Variants in ZNF534 observed in about 807,000 individuals in gnomAD.
The protein encoded by ZNF534 is KRAB domain only 3.
ZNF534 carries 19 observed loss-of-function variants against 13.6 expected under a neutral mutation model. That is an observed-to-expected ratio of 1.40 (90% CI 0.97 to 2.05). ZNF534 has a LOEUF of 2.05. Ranked by LOEUF, ZNF534 falls within the 30% of genes most tolerant of loss-of-function variation. The pLI is 0.00. For synonymous variants in ZNF534, 244 were observed against 273.8 expected, an observed-to-expected ratio of 0.89 and a Z score of 1.07; for missense variants, 782 against 796.3, an observed-to-expected ratio of 0.98 and a Z score of 0.22.
exon 5 of ZNF534, chr19:52,451,676 G>T: frequency 1.5e-6 from 1 of 665,896 alleles, no homozygotes; most frequent in South Asian, 1.8e-5. Flanking sequence ...GCTTCCTTCT[G>T]GATGTTATGG....
Position 52,431,481 on chromosome 19 carries a change from C to G in ZNF534, c.7C>G (p.Leu3Val), listed in dbSNP as rs1430749567. Residue 3 changes from leucine to valine, a missense_variant, in exon 2 of 5, where the codon CTT (leucine) becomes GTT (valine). This residue lies in a region of ZNF534 where 81 missense variants were observed against 63.5 expected (regional missense o/e 1.28). Coordinates refer to ENST00000433050, the MANE Select transcript of ZNF534 (RefSeq NM_001143938.3). ...GAAAGAAAGGAAGTCAGGAATGGCCCTTACTCAGGTAAGGTAATGTTCTCA... is the reference window on the plus strand; with the variant it reads ...GAAAGAAAGGAAGTCAGGAATGGCCGTTACTCAGGTAAGGTAATGTTCTCA... Reference protein sequence around the residue: MALTQGQLSFSDV... With the variant: MAVTQGQLSFSDV... 6.2e-7 allele frequency: 1 copy of G among 1,613,970 alleles called. No individual in the cohort carries two copies. The highest frequency in any genetic ancestry group is 1.3e-5 in the African/African-American group (1 of 74,914).
chr19:52,437,659 G>C, intron 4 of ZNF534, 73 bp from the exon 5 acceptor site: 1 of 1,385,222 alleles, frequency 7.2e-7, no homozygotes, highest in South Asian at 1.5e-5. Flanking sequence ...AAGTGATGCA[G>C]AATCTTGTTT....
chr19:52,446,092 G>A (rs1029642525), downstream of ZNF534, among the ~76,000 whole-genome samples: 2 of 152,068 alleles, frequency 1.3e-5, no homozygotes, highest in Non-Finnish European at 2.9e-5. Flanking sequence ...GATATAAGAT[G>A]GTCAACTAAA....
chr19:52,436,985 G>T (rs2059132680), intron 4 of ZNF534, among the ~76,000 whole-genome samples: 1 of 151,538 alleles, frequency 6.6e-6, no homozygotes, highest in African/African-American at 2.4e-5. Context: ...TTTAGGTTTG[G>T]TAAAACAACC....
chr19:52,438,251 A>G lies in ZNF534; in HGVS notation c.791A>G (p.His264Arg). 6.2e-7 allele frequency: 1 copy of G among 1,605,824 alleles called. No individual in the cohort carries two copies. Among genetic ancestry groups the G allele is most frequent in the Non-Finnish European group, 8.5e-7 (1 of 1,173,668 alleles). ...CACCTTGCACAACATCAGAAAATTC[A>G]TACTGGACAGAAACCTTACAATAAC... ...NSHLAQHQKI[H>R]TGQKPYNNKE... The change falls in exon 5 of 5, where the codon CAT becomes CGT. Residue 264 changes from histidine (H) to arginine (R), a missense_variant. Physicochemically the swap from His to Arg is conservative, Grantham distance 29 (BLOSUM62 0). Coordinates refer to ENST00000433050, the MANE Select transcript of ZNF534 (RefSeq NM_001143938.3).
Position 52,435,252 on chromosome 19 carries a change from T to C in ZNF534, c.271+43T>C, listed in dbSNP as rs560832364. On this transcript the variant is annotated intron_variant, in intron 4 of 4. Transcript: ENST00000433050. ...CAGAGTGGAGGCCCCATAATTTTTG[T>C]ATTTTGAGAAGGGTCTCACTCTGTC... is the stretch of plus-strand genomic sequence containing the variant. The C allele has an allele frequency of 1.9e-4, 292 of 1,562,440 alleles. 5 individuals are homozygous for C. The South Asian group carries it at 3.4e-3, about 18-fold the overall frequency.
intron 4 of ZNF534, among the ~76,000 whole-genome samples, chr19:52,436,646 G>A (rs1410093370): frequency 6.6e-6 from 1 of 152,036 alleles, no homozygotes; most frequent in Admixed American, 6.6e-5. Flanking sequence ...TGTTTTCTTT[G>A]TGGTCTTTGG....
chr19:52,447,478 T>C (rs2059198452), downstream of ZNF534, among the ~76,000 whole-genome samples: 1 of 152,216 alleles, frequency 6.6e-6, no homozygotes, highest in Non-Finnish European at 1.5e-5. Context: ...TGTTTTTCTT[T>C]TTGTTTTAAC....
intron 3 of ZNF534, 23 bp from the exon 4 acceptor site, chr19:52,435,058 T>G: frequency 6.2e-7 from 1 of 1,608,418 alleles, no homozygotes; most frequent in South Asian, 1.1e-5. Flanking sequence ...CAGCACACAT[T>G]TATTCTTTCT....
chr19:52,438,359 G>A lies in ZNF534; in HGVS notation c.899G>A (p.Cys300Tyr). The change falls in exon 5 of 5, where the codon TGT (cysteine) becomes TAT (tyrosine). Residue 300 changes from cysteine to tyrosine, a missense_variant. This residue lies in a region of ZNF534 where 591 missense variants were observed against 574.0 expected (regional missense o/e 1.03). Coordinates refer to ENST00000433050, the MANE Select transcript of ZNF534 (RefSeq NM_001143938.3). Reference sequence around the variant, plus strand: ...CATACTGGAGAGAAGCCTTACAAATGTAGTGAATGTGGCAAAGCATTTAGT... The same window carrying A: ...CATACTGGAGAGAAGCCTTACAAATATAGTGAATGTGGCAAAGCATTTAGT... ...KIHTGEKPYK[C>Y]SECGKAFSVC... 6.2e-7 allele frequency: 1 copy of A among 1,613,386 alleles called. No homozygotes were observed. Among genetic ancestry groups the A allele is most frequent in the Non-Finnish European group, 8.5e-7 (1 of 1,179,462 alleles).
exon 5 of ZNF534, chr19:52,451,278 T>C: frequency 9.8e-7 from 1 of 1,024,888 alleles, no homozygotes; most frequent in South Asian, 1.4e-5. Flanking sequence ...GCCCAAACTT[T>C]GTGGGAAATG....
intron 2 of ZNF534, among the ~76,000 whole-genome samples, chr19:52,433,449 G>C (rs1455457466): frequency 1.3e-5 from 2 of 151,702 alleles, no homozygotes; most frequent in Non-Finnish European, 2.9e-5. Flanking sequence ...TCACTGCAAT[G>C]TCCCACTCCT....
Position 52,438,144 on chromosome 19 carries a change from C to G in ZNF534, c.684C>G (p.Asn228Lys). 1.2e-6 allele frequency: 2 copies of G among 1,614,096 alleles called. No individual in the cohort carries two copies. The highest frequency in any genetic ancestry group is 1.7e-6 in the Non-Finnish European group (2 of 1,179,968). Residue 228 changes from asparagine (N) to lysine (K), a missense_variant, in exon 5 of 5, where the codon AAC becomes AAG. Physicochemically the swap from Asn to Lys is moderately conservative, Grantham distance 94. Around this residue, in one of 5 missense-constraint regions of ZNF534, gnomAD observed 591 missense variants for 574.0 expected, o/e 1.03. Transcript: ENST00000433050. Reference sequence around the variant, plus strand: ...GCGAGATCTTTAGTAGCAATTCAAACTTTGCACAACATCAACGAATCCATA... The same window carrying G: ...GCGAGATCTTTAGTAGCAATTCAAAGTTTGCACAACATCAACGAATCCATA... ...DCGEIFSSNS[N>K]FAQHQRIHTG...
At chr19:52,435,936 CTTCT>C (rs1219909087) in intron 4 of ZNF534, among the ~76,000 whole-genome samples, 13 of 20,782 alleles carry the variant, frequency 6.3e-4, no homozygotes, top group Admixed American at 2.0e-3. Context: ...TTTTCTTCTT[CTTCT>C]TTTTTTTTTT....
At chr19:52,444,999 C>G (rs900355138), downstream of ZNF534, among the ~76,000 whole-genome samples, 2 of 152,176 alleles carry the variant, frequency 1.3e-5, no homozygotes, top group Non-Finnish European at 2.9e-5. Context: ...GATTCACGCT[C>G]TTCCATGAGT....
Position 52,438,824 on chromosome 19 carries a change from A to G in ZNF534, c.1364A>G (p.Tyr455Cys), listed in dbSNP as rs1042312603. ...KVFRHKSSLT[Y>C]HCRIHTGEKP... ...TTCAGGCACAAGTCTTCCCTAACCT[A>G]TCACTGTAGAATTCATACTGGAGAG... is the stretch of plus-strand genomic sequence containing the variant. Residue 455 changes from tyrosine to cysteine, a missense_variant, in exon 5 of 5, where the codon TAT (tyrosine) becomes TGT (cysteine). By Grantham distance (194) the Tyr-to-Cys change is radical. Coordinates refer to ENST00000433050, the MANE Select transcript of ZNF534 (RefSeq NM_001143938.3). 25 of 1,610,982 alleles carry G rather than the reference A, an allele frequency of 1.6e-5. No individual in the cohort carries two copies. Among genetic ancestry groups the G allele is most frequent in the Non-Finnish European group, 2.0e-5 (23 of 1,178,654 alleles).
chr19:52,449,094 A>G (rs1310300169), intron 4 of ZNF534, among the ~76,000 whole-genome samples: 1 of 152,170 alleles, frequency 6.6e-6, no homozygotes, highest in Non-Finnish European at 1.5e-5. Context: ...GAGTGAGAGT[A>G]TGAGATAATT....
Position 52,451,266 on chromosome 19 carries a change from C to T in ZNF534, c.351C>T (p.Thr117=), listed in dbSNP as rs530613123. The T allele has an allele frequency of 3.3e-5, 30 of 919,008 alleles. No homozygotes were observed. In the East Asian group the frequency reaches 5.5e-4, roughly 17 times the overall value. 56.9% of individuals were successfully genotyped at this position (919,008 alleles called of 1,614,324 possible). Residue 117 remains threonine (T), a synonymous_variant, in exon 5 of 5, where the codon ACC becomes ACT. Coordinates refer to the ZNF534 transcript ENST00000301085. ...CGTCCGGAGGTGCTGAGGAGCCAACCGGCCCAAACTTTGTGGGAAATGACT... is the reference window on the plus strand; with the variant it reads ...CGTCCGGAGGTGCTGAGGAGCCAACTGGCCCAAACTTTGTGGGAAATGACT...
In ZNF534 at chr19:52,438,520, T is replaced by C. The variant is rs1201534619; in HGVS notation, c.1060T>C (p.Tyr354His). 6.3e-7 allele frequency: 1 copy of C among 1,586,096 alleles called. No individual in the cohort carries two copies. The highest frequency in any genetic ancestry group is 8.6e-7 in the Non-Finnish European group (1 of 1,165,326). Residue 354 changes from tyrosine to histidine, a missense_variant, in exon 5 of 5, where the codon TAC (tyrosine) becomes CAC (histidine). Tyr to His is a moderately conservative substitution (Grantham distance 83). Transcript: ENST00000433050. Reference protein sequence around the residue: ...HQTVHTGERPYKCNECGKGFS... With the variant: ...HQTVHTGERPHKCNECGKGFS... ...GACAGTTCATACTGGAGAGAGACCA[T>C]ACAAATGTAATGAATGTGGCAAGGG...
Sources: allele counts gnomAD v4.1 joint callset (sites outside exome capture counted in the v4.1 genomes callset), GRCh38; gene constraint gnomAD v4.1.1; regional missense constraint gnomAD v4.1.1; transcripts MANE v1.5; gene names NCBI Gene and HGNC (gene_info 2026-07-23, HGNC 2026-07-21).